The following ANKRD11 variants were observed in gnomAD, a reference collection of about 807,000 sequenced individuals.
The protein encoded by ANKRD11 is ankyrin repeat domain 11.
Under a neutral mutation model 195.7 loss-of-function variants are expected in ANKRD11, and 17 were observed. The ratio of observed to expected loss-of-function variants is 0.09; its 90% CI spans 0.06 to 0.13. The LOEUF (loss-of-function observed/expected upper bound fraction) is 0.13, where lower values mean the gene tolerates loss of function less well. Among genes scored for constraint, ANKRD11 ranks in the 10% least tolerant of loss-of-function variants. The pLI is 1.00. For missense variants in ANKRD11, 3,735 were observed against 3,566.1 expected (o/e 1.05, Z -1.21); for synonymous variants, 1,953 against 1,528.1 (o/e 1.28, Z -6.49).
chr16:89,331,127 T>C (rs1264940887), intron 2 of ANKRD11, among the ~76,000 whole-genome samples: 1 of 152,080 alleles, frequency 6.6e-6, no homozygotes. Flanking sequence ...CTAATTTTTC[T>C]ATTTTGAGGA....
intron 2 of ANKRD11, among the ~76,000 whole-genome samples, chr16:89,377,732 G>A (rs2040484385): frequency 6.6e-6 from 1 of 152,110 alleles, no homozygotes; most frequent in South Asian, 2.1e-4. Flanking sequence ...TGTGACATGG[G>A]CACTGAAACT....
intron 2 of ANKRD11, among the ~76,000 whole-genome samples, chr16:89,351,886 C>A (rs761605800): frequency 2.0e-5 from 3 of 152,186 alleles, no homozygotes; most frequent in Admixed American, 2.0e-4. Flanking sequence ...GGTAAGCCTA[C>A]GGTCTGTCAA....
chr16:89,425,173 A>G (rs1434942419), intron 1 of ANKRD11, among the ~76,000 whole-genome samples: 1 of 152,150 alleles, frequency 6.6e-6, no homozygotes, highest in African/African-American at 2.4e-5. Flanking sequence ...TCCTCACAAT[A>G]ATCCCACAGA....
chr16:89,420,629 TCTGA>T (rs1206226419), intron 1 of ANKRD11, among the ~76,000 whole-genome samples: 5 of 152,238 alleles, frequency 3.3e-5, no homozygotes, highest in Non-Finnish European at 7.3e-5. Context: ...GTCTTTTCTT[TCTGA>T]CTGACAGACA....
intron 2 of ANKRD11, among the ~76,000 whole-genome samples, chr16:89,355,843 C>T (rs2039447876): frequency 6.6e-6 from 1 of 152,270 alleles, no homozygotes; most frequent in Admixed American, 6.5e-5. Flanking sequence ...TGTGCGCAGC[C>T]CAATGGAAAG....
intron 9 of ANKRD11, chr16:89,278,719 G>A (rs144104266): frequency 0.021 from 10,373 of 500,130 alleles, 151 homozygotes; most frequent in Non-Finnish European, 0.032. Flanking sequence ...CACAGGGGGT[G>A]GCTCTCGTGA....
intron 1 of ANKRD11, among the ~76,000 whole-genome samples, chr16:89,476,710 A>G (rs1422346287): frequency 6.6e-6 from 1 of 152,240 alleles, no homozygotes; most frequent in Admixed American, 6.5e-5. Flanking sequence ...CACATATCCT[A>G]GAGGTATACT....
Position 89,278,441 on chromosome 16 carries a change from G to A in ANKRD11, c.7470+631C>T, listed in dbSNP as rs182705597. The A allele has an allele frequency of 1.1e-3, 474 of 439,904 alleles. 6 individuals are homozygous for A. Among genetic ancestry groups the A allele is most frequent in the African/African-American group, 8.1e-3 (404 of 49,884 alleles). The allele number at this position is 439,904 out of a possible 1,614,324, so 27.3% of individuals were successfully genotyped here. ...GATCTATTTTGGGCCCAGACGTAGC[G>A]CAAGGAGCTGGGGGAGTGGGGGTGA... On this transcript the variant is annotated intron_variant, in intron 9 of 12. Coordinates refer to ENST00000301030, the MANE Select transcript of ANKRD11 (RefSeq NM_013275.6).
chr16:89,305,764 C>T (rs1278474301), intron 3 of ANKRD11, among the ~76,000 whole-genome samples: 7 of 139,652 alleles, frequency 5.0e-5, no homozygotes, highest in African/African-American at 1.1e-4. Context: ...TCCGCAGACA[C>T]GCGCCACCTC....
At position 89,267,934 on chromosome 16, in the gene ANKRD11, C is replaced by T. The variant is rs1290071746; in HGVS notation, c.*544G>A. ...ACGGCTGGGAGTCCTGGCTCTGTGT[C>T]CCTCCGCCTGGCTCCGCACCAGGTC... On this transcript the variant is annotated 3_prime_UTR_variant, in exon 13 of 13. Transcript: ENST00000301030. The T allele has an allele frequency of 5.5e-5, 9 of 162,536 alleles. 1 individual carries two copies. In the South Asian group the frequency reaches 1.6e-3, roughly 28 times the overall value. 10.1% of individuals were successfully genotyped at this position (162,536 alleles called of 1,614,324 possible).
At chr16:89,391,707 G>A (rs774914026) in intron 2 of ANKRD11, among the ~76,000 whole-genome samples, 1 of 152,192 alleles carries the variant, frequency 6.6e-6, no homozygotes, top group Admixed American at 6.5e-5. Context: ...CAAGCTGACA[G>A]AGAATCAGTA....
intron 2 of ANKRD11, among the ~76,000 whole-genome samples, chr16:89,375,768 T>TA (rs36033030): frequency 0.017 from 1,451 of 84,518 alleles, 30 homozygotes; most frequent in African/African-American, 0.058. Context: ...CTCCGTCTCT[T>TA]AAAAAAAAAA....
chr16:89,486,217 T>C (rs1360705274), intron 1 of ANKRD11, among the ~76,000 whole-genome samples: 2 of 152,092 alleles, frequency 1.3e-5, no homozygotes, highest in Non-Finnish European at 2.9e-5. Flanking sequence ...TTTAGGAGAC[T>C]GAGGTAAGCC....
intron 2 of ANKRD11, among the ~76,000 whole-genome samples, chr16:89,333,504 T>C (rs2038175725): frequency 6.6e-6 from 1 of 152,244 alleles, no homozygotes. Flanking sequence ...GTCCCCCGTG[T>C]TCCTGCTGCA....
intron 9 of ANKRD11, among the ~76,000 whole-genome samples, chr16:89,275,886 C>T (rs1350995190): frequency 1.3e-5 from 2 of 152,190 alleles, no homozygotes; most frequent in African/African-American, 4.8e-5. Context: ...AAACAAGGCC[C>T]ACACAGGAGC....
intron 1 of ANKRD11, among the ~76,000 whole-genome samples, chr16:89,426,571 C>G (rs887813329): frequency 1.0e-5 from 1 of 100,254 alleles, no homozygotes; most frequent in South Asian, 3.7e-4. Flanking sequence ...ACACACAAAT[C>G]TGAAATCCTG....
At position 89,283,379 on chromosome 16, in the gene ANKRD11, A is replaced by G; in HGVS notation, c.3163T>C (p.Cys1055Arg). The change falls in exon 9 of 13, where the codon TGT becomes CGT. Residue 1055 changes from cysteine (C) to arginine (R), a missense_variant. Transcript: ENST00000301030. The surrounding 1 kb of genome is among the most constrained non-coding windows in gnomAD (Gnocchi z 4.3). ...TTGGTATCTTTTTTCTCTTTAAAAC[A>G]TTTATCAAATTCTTTGTCCTTCTGA... ...KCQKDKEFDK[C>R]FKEKKDTKEK... 1 of 1,613,728 alleles carries G rather than the reference A, an allele frequency of 6.2e-7. No homozygotes were observed. Among genetic ancestry groups the G allele is most frequent in the East Asian group, 2.2e-5 (1 of 44,874 alleles).
chr16:89,325,615 C>T (rs1314245733), intron 2 of ANKRD11, among the ~76,000 whole-genome samples: 1 of 152,208 alleles, frequency 6.6e-6, no homozygotes, highest in Non-Finnish European at 1.5e-5. Context: ...TGGAAAATGG[C>T]TGCCTGGCGG....
At chr16:89,341,902 C>CA (rs1567673660) in intron 2 of ANKRD11, among the ~76,000 whole-genome samples, 337 of 55,840 alleles carry the variant, frequency 6.0e-3, no homozygotes, top group Middle Eastern at 0.01. Context: ...GCACCTCCAC[C>CA]CACAGCGGCC....
Sources: allele counts gnomAD v4.1 joint callset (sites outside exome capture counted in the v4.1 genomes callset), GRCh38; gene constraint gnomAD v4.1.1; non-coding constraint Gnocchi (gnomAD v3.1); transcripts MANE v1.5; gene names NCBI Gene and HGNC (gene_info 2026-07-23, HGNC 2026-07-21).